Variants in RAP1GAP2 observed in about 807,000 individuals in gnomAD.
RAP1GAP2 encodes the protein RAP1 GTPase activating protein 2.
In RAP1GAP2, 27 loss-of-function variants were observed where a neutral mutation model predicts 95.0. That is an observed-to-expected ratio of 0.28 (90% CI 0.21 to 0.39). The LOEUF (loss-of-function observed/expected upper bound fraction) is 0.39, where lower values mean the gene tolerates loss of function less well. Among genes scored for constraint, RAP1GAP2 ranks in the 10% least tolerant of loss-of-function variants. The pLI is 1.00. For missense variants in RAP1GAP2, 771 were observed against 970.0 expected (o/e 0.79, Z 2.72); for synonymous variants, 373 against 380.9 (o/e 0.98, Z 0.24).
chr17:3,006,373 G>A (rs532893084), intron 16 of RAP1GAP2, among the ~76,000 whole-genome samples: 6 of 150,360 alleles, frequency 4.0e-5, no homozygotes, highest in African/African-American at 1.2e-4. Context: ...CAGGTGATCC[G>A]CCTGGCCCAG....
At chr17:2,980,217 A>G (rs1250743323) in intron 8 of RAP1GAP2, 70 bp from the exon 9 acceptor site, 24 of 1,470,808 alleles carry the variant, frequency 1.6e-5, no homozygotes, top group Non-Finnish European at 2.3e-5. Context: ...TGCTGAGATG[A>G]CAGGCACGAG....
At chr17:2,820,900 T>TG (rs1375066874) in intron 2 of RAP1GAP2, among the ~76,000 whole-genome samples, 1 of 147,486 alleles carries the variant, frequency 6.8e-6, no homozygotes, top group African/African-American at 2.5e-5. Context: ...TGGTTTTTTT[T>TG]TTTTTTTTTG....
At chr17:2,796,395 C>A, upstream of RAP1GAP2, 3 of 967,438 alleles carry the variant, frequency 3.1e-6, no homozygotes, top group Non-Finnish European at 4.8e-6. The surrounding 1 kb of genome is among the most constrained non-coding windows in gnomAD (Gnocchi z 4.7). Context: ...TGGGGGCAGG[C>A]GAAGAGGGAG....
At position 2,866,051 on chromosome 17, in the gene RAP1GAP2, G is replaced by A. The variant is rs2072599703; in HGVS notation, c.81-39233G>A. On this transcript the variant is annotated intron_variant, in intron 2 of 24. Coordinates refer to ENST00000254695, the MANE Select transcript of RAP1GAP2 (RefSeq NM_015085.5). The surrounding 1 kb of genome is among the most constrained non-coding windows in gnomAD (Gnocchi z 4.0). The stretch of plus-strand genomic sequence containing the variant: ...ATCCAAGACAGAAGAGGGAGGTGTG[G>A]AGAAGAGGTGCAGGGAGCCCTGGAG... Among the ~76,000 whole-genome samples, 1 of 152,256 alleles carries A rather than the reference G, an allele frequency of 6.6e-6. No homozygotes were observed. Among genetic ancestry groups the A allele is most frequent in the Non-Finnish European group, 1.5e-5 (1 of 68,042 alleles).
In RAP1GAP2 at chr17:3,008,138, CTT is replaced by C; in HGVS notation, c.1490_1491del (p.Phe497Ter). On this transcript the variant is annotated frameshift_variant, in exon 17 of 25. Transcript: ENST00000254695. LOFTEE classifies it high-confidence loss of function. The surrounding 1 kb of genome is among the most constrained non-coding windows in gnomAD (Gnocchi z 4.2). ...GGAGGCCACGGGGGGTTCCTGGAGT[CTT>C]TTAAGGTATGAGCGTCAGAGTGACT... 1 of 1,613,830 alleles carries C rather than the reference CTT, an allele frequency of 6.2e-7. No individual in the cohort carries two copies. Among genetic ancestry groups the C allele is most frequent in the Non-Finnish European group, 8.5e-7 (1 of 1,179,842 alleles).
chr17:2,953,803 C>T (rs769238699), intron 3 of RAP1GAP2, among the ~76,000 whole-genome samples: 14 of 152,082 alleles, frequency 9.2e-5, no homozygotes, highest in Non-Finnish European at 1.6e-4. Flanking sequence ...GCTGACATCG[C>T]GCCATTGCAC....
upstream of RAP1GAP2, among the ~76,000 whole-genome samples, chr17:2,774,643 T>C (rs1269792372): frequency 6.6e-6 from 1 of 151,014 alleles, no homozygotes; most frequent in Admixed American, 6.6e-5. Flanking sequence ...TGGCTAATTT[T>C]TGTATTTTTA....
At chr17:2,845,678 T>C (rs893782988) in intron 2 of RAP1GAP2, among the ~76,000 whole-genome samples, 11 of 151,026 alleles carry the variant, frequency 7.3e-5, no homozygotes, top group Admixed American at 2.0e-4. Context: ...CTGACCAACA[T>C]GGTGAAACCC....
intron 2 of RAP1GAP2, among the ~76,000 whole-genome samples, chr17:2,874,837 T>C (rs557702412): frequency 3.3e-5 from 5 of 152,312 alleles, no homozygotes; most frequent in African/African-American, 1.2e-4. Context: ...ACTCTGGTTC[T>C]GGACCCGGTG....
intron 3 of RAP1GAP2, among the ~76,000 whole-genome samples, chr17:2,952,139 G>T (rs933587108): frequency 6.6e-6 from 1 of 152,114 alleles, no homozygotes; most frequent in African/African-American, 2.4e-5. Context: ...ATTTTTCTCC[G>T]TGGGGGTGAT....
intron 2 of RAP1GAP2, among the ~76,000 whole-genome samples, chr17:2,848,428 G>A (rs1378678632): frequency 6.6e-6 from 1 of 152,024 alleles, no homozygotes; most frequent in African/African-American, 2.4e-5. Flanking sequence ...TGGGTTCTGT[G>A]AGGGGATTTT....
chr17:2,781,620 G>A (rs2068652020), intron 1 of RAP1GAP2, among the ~76,000 whole-genome samples: 1 of 149,392 alleles, frequency 6.7e-6, no homozygotes, highest in African/African-American at 2.5e-5. Flanking sequence ...CTCTGTGTGA[G>A]CACGTCTCTG....
At chr17:2,775,083 C>T (rs962305837), upstream of RAP1GAP2, among the ~76,000 whole-genome samples, 4 of 151,028 alleles carry the variant, frequency 2.6e-5, no homozygotes, top group South Asian at 8.4e-4. Flanking sequence ...CCACCCGCCT[C>T]AGCCTCCCAA....
At chr17:2,756,172 GACT>G (rs541151038) in intron 1 of RAP1GAP2, among the ~76,000 whole-genome samples, 359 of 152,386 alleles carry the variant, frequency 2.4e-3, no homozygotes, top group South Asian at 7.2e-3. Context: ...CAGGGCTCTG[GACT>G]TGGGCCCCGA....
intron 3 of RAP1GAP2, 142 bp downstream of exon 3, chr17:2,905,510 T>G: frequency 1.3e-6 from 1 of 762,168 alleles, no homozygotes; most frequent in Non-Finnish European, 2.1e-6. Flanking sequence ...GAGGTGATGT[T>G]CAGTTAAGCA....
chr17:2,948,934 T>C (rs915548001), intron 3 of RAP1GAP2, among the ~76,000 whole-genome samples: 3 of 152,190 alleles, frequency 2.0e-5, no homozygotes, highest in African/African-American at 7.2e-5. Context: ...GTAGGGGCAT[T>C]GGGAAAGATC....
At chr17:2,950,605 A>AAT (rs2043885947) in intron 3 of RAP1GAP2, among the ~76,000 whole-genome samples, 1 of 78,072 alleles carries the variant, frequency 1.3e-5, no homozygotes, top group African/African-American at 4.7e-5. Context: ...ATTTGCTTCA[A>AAT]TTTTTTTTTT....
intron 1 of RAP1GAP2, among the ~76,000 whole-genome samples, chr17:2,782,742 G>T (rs188444334): frequency 6.6e-6 from 1 of 152,176 alleles, no homozygotes; most frequent in Admixed American, 6.5e-5. Context: ...CTGGCCAGGC[G>T]CGGTGGCCCA....
chr17:2,805,707 C>T (rs1271980200), intron 2 of RAP1GAP2, among the ~76,000 whole-genome samples: 1 of 151,906 alleles, frequency 6.6e-6, no homozygotes, highest in Non-Finnish European at 1.5e-5. Context: ...CCTCTGTGCT[C>T]TCTCCACAGA....
Sources: gnomAD v4.1 joint callset for allele counts (sites outside exome capture counted in the v4.1 genomes callset) on GRCh38, gnomAD v4.1.1 for gene constraint, Gnocchi (gnomAD v3.1) non-coding constraint, MANE v1.5 for transcripts, NCBI Gene and HGNC (gene_info 2026-07-23, HGNC 2026-07-21) for gene names.